PDE1C: variants seen among roughly 807,000 people sequenced by gnomAD.
PDE1C encodes dual specificity calcium/calmodulin-dependent 3',5'-cyclic nucleotide phosphodiesterase 1C.
A neutral mutation model predicts 93.1 loss-of-function variants in PDE1C; 62 were observed. The ratio of observed to expected loss-of-function variants is 0.67; its 90% CI spans 0.54 to 0.82. The LOEUF (loss-of-function observed/expected upper bound fraction) is 0.82, where lower values mean the gene tolerates loss of function less well. Among genes scored for constraint, PDE1C ranks in the 40% least tolerant of loss-of-function variants. The pLI is 0.00. For synonymous variants in PDE1C, 325 were observed against 310.1 expected, an observed-to-expected ratio of 1.05 and a Z score of -0.50; for missense variants, 742 against 884.6, an observed-to-expected ratio of 0.84 and a Z score of 2.04.
intron 3 of PDE1C, among the ~76,000 whole-genome samples, chr7:32,078,423 C>A (rs1364505976): frequency 6.6e-6 from 1 of 152,178 alleles, no homozygotes; most frequent in African/African-American, 2.4e-5. Context: ...CACTAAAAAG[C>A]ATAGGCTGTT....
intron 3 of PDE1C, among the ~76,000 whole-genome samples, chr7:32,147,266 AAGAAAAAAAG>A (rs1563352351): frequency 1.1e-5 from 1 of 88,630 alleles, no homozygotes; most frequent in African/African-American, 4.4e-5. Flanking sequence ...GAAAGAAAGA[AAGAAAAAAAG>A]AAAGAAAGAA....
intron 3 of PDE1C, among the ~76,000 whole-genome samples, chr7:32,162,501 C>A (rs547682946): frequency 3.3e-5 from 5 of 152,286 alleles, no homozygotes; most frequent in South Asian, 2.1e-4. Context: ...AGAAAGCCAT[C>A]AGACCTGGAT....
At chr7:32,374,888 G>A (rs374336955) in intron 1 of PDE1C, among the ~76,000 whole-genome samples, 25 of 152,266 alleles carry the variant, frequency 1.6e-4, no homozygotes, top group African/African-American at 6.0e-4. Context: ...ATGGTGCCCA[G>A]CTCCAGACAG....
chr7:31,731,730 GT>G, the PDE1C span, among the ~76,000 whole-genome samples: 1 of 152,144 alleles, frequency 6.6e-6, no homozygotes, highest in African/African-American at 2.4e-5. Flanking sequence ...ATTTCCAGAA[GT>G]TCCTTTTCAC....
chr7:31,634,159 T>C, the PDE1C span, among the ~76,000 whole-genome samples: 1 of 152,134 alleles, frequency 6.6e-6, no homozygotes, highest in Non-Finnish European at 1.5e-5. Flanking sequence ...TAGGCAGAAA[T>C]GTTTCCCAAC....
At chr7:31,761,313 G>A (rs11975342) in intron 17 of PDE1C, among the ~76,000 whole-genome samples, 51,051 of 151,976 alleles carry the variant, frequency 0.34, 9,049 homozygotes, top group African/African-American at 0.43. Context: ...ATTTAGGTAT[G>A]TACCTGAGTC....
intron 11 of PDE1C, among the ~76,000 whole-genome samples, chr7:31,836,718 G>A (rs545051319): frequency 1.3e-5 from 2 of 152,276 alleles, no homozygotes; most frequent in South Asian, 2.1e-4. Context: ...AGTTTCTAGT[G>A]ATTTCCTGAC....
intron 2 of PDE1C, among the ~76,000 whole-genome samples, chr7:32,179,970 T>C (rs1480852295): frequency 6.6e-6 from 1 of 152,206 alleles, no homozygotes; most frequent in African/African-American, 2.4e-5. Context: ...CATAGGGTTG[T>C]AGCCTTCCTC....
intron 16 of PDE1C, chr7:31,783,905 A>C (rs1783651589): frequency 6.6e-6 from 1 of 152,200 alleles, no homozygotes; most frequent in Admixed American, 6.5e-5. Context: ...AGTACATTCT[A>C]TCACAACCAT....
chr7:31,894,079 A>G (rs1245126614), intron 2 of PDE1C, among the ~76,000 whole-genome samples: 1 of 152,240 alleles, frequency 6.6e-6, no homozygotes, highest in Non-Finnish European at 1.5e-5. Context: ...GACTGGAAAG[A>G]GGAAGAAACA....
At chr7:32,421,025 A>G (rs1785420987) in intron 1 of PDE1C, among the ~76,000 whole-genome samples, 1 of 152,158 alleles carries the variant, frequency 6.6e-6, no homozygotes, top group African/African-American at 2.4e-5. Flanking sequence ...GATGCTGTGA[A>G]CACCACAGAG....
At chr7:31,987,773 AT>A (rs1306222223) in intron 2 of PDE1C, among the ~76,000 whole-genome samples, 1 of 152,164 alleles carries the variant, frequency 6.6e-6, no homozygotes, top group Non-Finnish European at 1.5e-5. Flanking sequence ...CCTCTGAATG[AT>A]ATCCAATACA....
chr7:32,339,259 G>T (rs1201531502), intron 1 of PDE1C, among the ~76,000 whole-genome samples: 3 of 152,068 alleles, frequency 2.0e-5, no homozygotes, highest in Non-Finnish European at 4.4e-5. Context: ...AAATTTAAAA[G>T]TCATAATAGG....
intron 2 of PDE1C, among the ~76,000 whole-genome samples, chr7:31,954,202 G>A (rs1807812290): frequency 6.6e-6 from 1 of 152,178 alleles, no homozygotes; most frequent in African/African-American, 2.4e-5. Flanking sequence ...GTGAGGGCAT[G>A]GGACTAATTC....
At chr7:31,913,172 G>T (rs1292929078) in intron 2 of PDE1C, among the ~76,000 whole-genome samples, 1 of 152,072 alleles carries the variant, frequency 6.6e-6, no homozygotes, top group Non-Finnish European at 1.5e-5. Context: ...TCATCACAAA[G>T]AAAGGATGCT....
chr7:31,907,858 A>G (rs1262649678), intron 2 of PDE1C, among the ~76,000 whole-genome samples: 1 of 152,176 alleles, frequency 6.6e-6, no homozygotes, highest in Non-Finnish European at 1.5e-5. Context: ...AATTACCTGG[A>G]AAGAGGTGAA....
chr7:31,640,465 GCT>G, the PDE1C span, among the ~76,000 whole-genome samples: 1 of 152,156 alleles, frequency 6.6e-6, no homozygotes, highest in Non-Finnish European at 1.5e-5. Flanking sequence ...TGGACTCCTA[GCT>G]CTGTTTCCTC....
At chr7:32,094,189 T>C (rs1459070553) in intron 3 of PDE1C, among the ~76,000 whole-genome samples, 1 of 152,190 alleles carries the variant, frequency 6.6e-6, no homozygotes, top group Non-Finnish European at 1.5e-5. Context: ...CTGTAGCCAA[T>C]TCCAAGCTAC....
chr7:32,320,684 T>A (rs972579530), intron 1 of PDE1C, among the ~76,000 whole-genome samples: 1 of 152,210 alleles, frequency 6.6e-6, no homozygotes, highest in Non-Finnish European at 1.5e-5. Flanking sequence ...CACATATGTG[T>A]TAATTTTCAT....
Sources: allele counts gnomAD v4.1 joint callset (sites outside exome capture counted in the v4.1 genomes callset), GRCh38; gene constraint gnomAD v4.1.1; transcripts MANE v1.5; gene names NCBI Gene and HGNC (gene_info 2026-07-23, HGNC 2026-07-21).